Variants in DAPP1 observed in about 807,000 individuals in gnomAD.
DAPP1 encodes dual adapter for phosphotyrosine and 3-phosphotyrosine and 3-phosphoinositide.
Under a neutral mutation model 41.5 loss-of-function variants are expected in DAPP1, and 20 were observed. The observed-to-expected ratio is 0.48, with a 90% CI of 0.34 to 0.70. DAPP1 has a LOEUF of 0.70. DAPP1 is among the 30% of genes least tolerant of loss of function. The pLI is 0.01. For synonymous variants in DAPP1, 113 were observed against 116.2 expected (o/e 0.97, Z 0.18); for missense variants, 233 against 333.4 (o/e 0.70, Z 2.35).
intron 2 of DAPP1, among the ~76,000 whole-genome samples, chr4:99,838,055 C>T (rs72684360): frequency 6.6e-6 from 1 of 152,248 alleles, no homozygotes; most frequent in East Asian, 1.9e-4. Context: ...TAAAAATGAG[C>T]TTCGCTAGCT....
At chr4:99,831,973 TA>T (rs34348509) in intron 1 of DAPP1, among the ~76,000 whole-genome samples, 48,024 of 146,926 alleles carry the variant, frequency 0.33, 7,935 homozygotes, top group African/African-American at 0.41. Flanking sequence ...AACACAACCT[TA>T]AAAAAAAAAA....
rs541504698 is a variant in DAPP1 at position 99,826,956 on chromosome 4, C to T, written c.102-8667C>T. ...GTTAACCTGCAGATCCTTCTCTTTTCCATTCTGTTGGTACTGAAAAGTCAC... is the reference window on the plus strand; with the variant it reads ...GTTAACCTGCAGATCCTTCTCTTTTTCATTCTGTTGGTACTGAAAAGTCAC... On this transcript the variant is annotated intron_variant, in intron 1 of 8. Transcript: ENST00000512369. Among the ~76,000 whole-genome samples the T allele has an allele frequency of 3.3e-5, 5 of 152,332 alleles. No homozygotes were observed. In the South Asian group the frequency reaches 1.0e-3, roughly 32 times the overall value.
chr4:99,833,106 T>C (rs2110140994), intron 1 of DAPP1, among the ~76,000 whole-genome samples: 1 of 152,316 alleles, frequency 6.6e-6, no homozygotes, highest in South Asian at 2.1e-4. Flanking sequence ...ATATCTAAGT[T>C]TTTATAACCT....
intron 2 of DAPP1, among the ~76,000 whole-genome samples, chr4:99,836,527 C>T (rs9993254): frequency 0.075 from 11,491 of 152,250 alleles, 506 homozygotes; most frequent in Middle Eastern, 0.15. Context: ...CAGCCACCCA[C>T]CCATTAAGCT....
At chr4:99,860,764 G>A (rs1724209711) in intron 4 of DAPP1, among the ~76,000 whole-genome samples, 2 of 152,098 alleles carry the variant, frequency 1.3e-5, no homozygotes, top group South Asian at 4.1e-4. Flanking sequence ...GACATATGAT[G>A]ACATCACATT....
intron 2 of DAPP1, among the ~76,000 whole-genome samples, chr4:99,838,275 A>T (rs989144576): frequency 1.3e-5 from 2 of 152,230 alleles, no homozygotes; most frequent in Non-Finnish European, 2.9e-5. Flanking sequence ...CATTGCAAGC[A>T]CTAGAGAATG....
chr4:99,844,506 G>A (rs1046495130), intron 3 of DAPP1: 2 of 152,088 alleles, frequency 1.3e-5, no homozygotes, highest in African/African-American at 4.8e-5. Context: ...ATATAGTCTT[G>A]AAAATGTAGA....
intron 1 of DAPP1, among the ~76,000 whole-genome samples, chr4:99,818,740 A>G (rs1722674195): frequency 6.6e-6 from 1 of 152,138 alleles, no homozygotes; most frequent in Non-Finnish European, 1.5e-5. Context: ...AGAAGGCGTG[A>G]ACAATTAATA....
chr4:99,863,726 T>G (rs913653200), intron 6 of DAPP1, 44 bp from the exon 7 acceptor site: 6 of 1,243,740 alleles, frequency 4.8e-6, no homozygotes, highest in Non-Finnish European at 5.6e-6. Flanking sequence ...CTGTTTTTTT[T>G]TTTTTTTTTA....
intron 7 of DAPP1, 182 bp downstream of exon 7, chr4:99,864,037 A>C (rs1724334729): frequency 2.0e-6 from 1 of 502,264 alleles, no homozygotes; most frequent in African/African-American, 2.0e-5. Context: ...AGCTTAAACA[A>C]ACAGGCAGGT....
chr4:99,867,988 G>T, intron 8 of DAPP1, 129 bp from the exon 9 acceptor site: 1 of 828,456 alleles, frequency 1.2e-6, no homozygotes, highest in Non-Finnish European at 2.0e-6. Flanking sequence ...TTGGGGGTGA[G>T]CACATGATAA....
intron 1 of DAPP1, among the ~76,000 whole-genome samples, chr4:99,831,375 C>T (rs549152409): frequency 6.6e-6 from 1 of 152,186 alleles, no homozygotes; most frequent in East Asian, 1.9e-4. Context: ...TCCCTGGCAC[C>T]CTCTCACAAA....
intron 4 of DAPP1, among the ~76,000 whole-genome samples, chr4:99,857,709 C>T (rs867289558): frequency 0.014 from 1,828 of 126,834 alleles, 40 homozygotes; most frequent in African/African-American, 0.047. Context: ...TATACACACA[C>T]ACACACACAC....
At chr4:99,846,669 C>A (rs1015008017) in intron 3 of DAPP1, among the ~76,000 whole-genome samples, 1 of 152,054 alleles carries the variant, frequency 6.6e-6, no homozygotes, top group East Asian at 1.9e-4. Flanking sequence ...TTGTGATGTC[C>A]TCTTCAAACT....
chr4:99,860,310 A>T (rs1209996813), intron 4 of DAPP1, among the ~76,000 whole-genome samples: 2 of 152,202 alleles, frequency 1.3e-5, no homozygotes, highest in African/African-American at 4.8e-5. Flanking sequence ...CCCTAGCTTG[A>T]TTTTAGTAAA....
chr4:99,821,114 A>G (rs1008645869), intron 1 of DAPP1, among the ~76,000 whole-genome samples: 3 of 152,212 alleles, frequency 2.0e-5, no homozygotes, highest in South Asian at 2.1e-4. Flanking sequence ...CAGGTTGCCT[A>G]CAGTCTCTGA....
At chr4:99,830,143 G>T (rs1461714850) in intron 1 of DAPP1, among the ~76,000 whole-genome samples, 1 of 152,182 alleles carries the variant, frequency 6.6e-6, no homozygotes, top group Non-Finnish European at 1.5e-5. Flanking sequence ...AGCACTTTGG[G>T]AGGCCAAGGC....
intron 4 of DAPP1, among the ~76,000 whole-genome samples, chr4:99,858,886 CT>C (rs1160350999): frequency 2.0e-5 from 3 of 151,070 alleles, no homozygotes; most frequent in Admixed American, 6.6e-5. Flanking sequence ...TTCATATGAC[CT>C]CAAAAAAAAT....
chr4:99,863,040 A>C lies in DAPP1; in HGVS notation c.568A>C (p.Arg190=). 6.3e-7 allele frequency: 1 copy of C among 1,591,788 alleles called. No homozygotes were observed. The highest frequency in any genetic ancestry group is 8.5e-7 in the Non-Finnish European group (1 of 1,172,816). The change falls in exon 6 of 9, where the codon AGG becomes CGG. Residue 190 remains arginine, a synonymous_variant. Coordinates refer to ENST00000512369, the MANE Select transcript of DAPP1 (RefSeq NM_014395.3). ...GAAAACAAGATGGTTTACTCTGCAC[A>C]GGAATGAACTGAAATACTTCAAAGA... is the stretch of plus-strand genomic sequence containing the variant. The part of the protein sequence containing the change: ...TWKTRWFTLH[R]NELKYFKDQM...
Sources: allele counts gnomAD v4.1 joint callset (sites outside exome capture counted in the v4.1 genomes callset), GRCh38; gene constraint gnomAD v4.1.1; transcripts MANE v1.5; gene names NCBI Gene and HGNC (gene_info 2026-07-23, HGNC 2026-07-21).